The following RNF24 variants were observed in gnomAD, a reference collection of about 807,000 sequenced individuals.
RNF24 encodes ring finger protein 24.
A neutral mutation model predicts 20.0 loss-of-function variants in RNF24; 14 were observed. The ratio of observed to expected loss-of-function variants is 0.70; its 90% CI spans 0.46 to 1.10. The LOEUF is 1.10. RNF24 is among the 50% of genes least tolerant of loss of function. RNF24 has a pLI of 0.00. For synonymous variants in RNF24, 45 were observed against 61.1 expected (o/e 0.74, Z 1.23); for missense variants, 124 against 177.6 (o/e 0.70, Z 1.71).
chr20:3,963,822 G>A, intron 2 of RNF24, 53 bp downstream of exon 2: 1 of 1,410,292 alleles, frequency 7.1e-7, no homozygotes, highest in South Asian at 1.4e-5. Flanking sequence ...ACAGAAACTT[G>A]ATTATTGATT....
In RNF24 at chr20:3,927,619, G is replaced by A. The variant is rs1432966448; in HGVS notation, c.*6444C>T. ...TGCCCCGTTCCTGGCAATGATGTCA[G>A]AAGACCAAGAGGCGATAGTTACCAG... On this transcript the variant is annotated 3_prime_UTR_variant, in exon 6 of 6. Transcript: ENST00000358395. 3.3e-5 allele frequency: 5 copies of A among 152,214 alleles called. No individual in the cohort carries two copies. Among genetic ancestry groups the A allele is most frequent in the African/African-American group, 4.8e-5 (2 of 41,450 alleles). 9.4% of individuals were successfully genotyped at this position (152,214 alleles called of 1,614,324 possible).
At chr20:3,987,213 G>A (rs1009991848) in intron 1 of RNF24, among the ~76,000 whole-genome samples, 1 of 152,192 alleles carries the variant, frequency 6.6e-6, no homozygotes, top group African/African-American at 2.4e-5. Context: ...GAGACAGAAG[G>A]AGGATGAAAT....
chr20:3,951,116 C>T (rs534495745), intron 2 of RNF24, among the ~76,000 whole-genome samples: 1 of 152,216 alleles, frequency 6.6e-6, no homozygotes, highest in African/African-American at 2.4e-5. Flanking sequence ...CTAACATGCC[C>T]GGCTAATTTT....
chr20:3,991,798 T>C (rs1353326442), intron 1 of RNF24, among the ~76,000 whole-genome samples: 2 of 152,150 alleles, frequency 1.3e-5, no homozygotes, highest in African/African-American at 4.8e-5. Flanking sequence ...ACATTTATAA[T>C]TATATATAAA....
At chr20:3,945,052 T>C in intron 4 of RNF24, 125 bp downstream of exon 4, 1 of 1,237,572 alleles carries the variant, frequency 8.1e-7, no homozygotes, top group Non-Finnish European at 1.1e-6. Flanking sequence ...CCTGAAATAT[T>C]CTATTACCCC....
In RNF24 at chr20:3,934,652, A is replaced by C. The variant is rs571897233; in HGVS notation, c.308+342T>G. On this transcript the variant is annotated intron_variant, in intron 5 of 5. Coordinates refer to ENST00000358395, the MANE Select transcript of RNF24 (RefSeq NM_001134337.3). The surrounding 1 kb of genome is among the most constrained non-coding windows in gnomAD (Gnocchi z 4.0). The stretch of plus-strand genomic sequence containing the variant: ...CCATTTATATCCAGACTTTATTTTG[A>C]TTTTAAATAACTATGGTTTTGATTT... Among the ~76,000 whole-genome samples, 2 of 152,356 alleles carry C rather than the reference A, an allele frequency of 1.3e-5. No individual in the cohort carries two copies. Among genetic ancestry groups the C allele is most frequent in the South Asian group, 4.1e-4 (2 of 4,830 alleles).
chr20:3,959,240 A>G (rs996677343), intron 2 of RNF24, among the ~76,000 whole-genome samples: 18 of 152,142 alleles, frequency 1.2e-4, no homozygotes, highest in Admixed American at 2.6e-4. Flanking sequence ...TTCATTTTCT[A>G]TCTCTCGGAA....
chr20:3,936,566 A>C (rs910813722), intron 4 of RNF24, among the ~76,000 whole-genome samples: 2 of 152,192 alleles, frequency 1.3e-5, no homozygotes, highest in African/African-American at 4.8e-5. Flanking sequence ...AAAGGTAAAA[A>C]TCCAGCAGTT....
rs1025223670 is a variant in RNF24, at chr20:3,930,473, A to G, written c.*3590T>C. 2.0e-5 allele frequency: 3 copies of G among 152,130 alleles called. No homozygotes were observed. The highest frequency in any genetic ancestry group is 4.4e-5 in the Non-Finnish European group (3 of 68,064). 9.4% of individuals were successfully genotyped at this position (152,130 alleles called of 1,614,324 possible). On this transcript the variant is annotated 3_prime_UTR_variant, in exon 6 of 6. Transcript: ENST00000358395. ...CCTACCAGGCTCTGGGCACCAGCTAACCCCCACAAGAGGTGCCAGGGACGT... is the reference window on the plus strand; with the variant it reads ...CCTACCAGGCTCTGGGCACCAGCTAGCCCCCACAAGAGGTGCCAGGGACGT...
At chr20:3,944,655 C>A (rs2090996148) in intron 4 of RNF24, among the ~76,000 whole-genome samples, 1 of 152,194 alleles carries the variant, frequency 6.6e-6, no homozygotes, top group African/African-American at 2.4e-5. Flanking sequence ...GATATACACA[C>A]CCAAGTTTGT....
intron 1 of RNF24, among the ~76,000 whole-genome samples, chr20:4,004,952 T>G (rs1981726267): frequency 6.6e-6 from 1 of 152,174 alleles, no homozygotes; most frequent in African/African-American, 2.4e-5. Context: ...CTACCCCAAA[T>G]CTCTTCTTAT....
chr20:4,014,748 C>T (rs1384043461), intron 1 of RNF24, among the ~76,000 whole-genome samples: 1 of 145,708 alleles, frequency 6.9e-6, no homozygotes, highest in Admixed American at 6.8e-5. Flanking sequence ...CGCACACACA[C>T]ACACACACAC....
At chr20:3,994,191 T>C (rs1441144855) in intron 1 of RNF24, among the ~76,000 whole-genome samples, 1 of 152,180 alleles carries the variant, frequency 6.6e-6, no homozygotes, top group Non-Finnish European at 1.5e-5. Flanking sequence ...CCTTTGGGAA[T>C]TGCTAGGTCT....
chr20:3,995,921 T>C (rs988757056), intron 1 of RNF24, among the ~76,000 whole-genome samples: 2 of 152,188 alleles, frequency 1.3e-5, no homozygotes, highest in African/African-American at 4.8e-5. Flanking sequence ...TGCAATTTCA[T>C]TAGCCCTGAA....
intron 1 of RNF24, among the ~76,000 whole-genome samples, chr20:3,972,876 G>C (rs1469422088): frequency 1.3e-5 from 2 of 150,646 alleles, no homozygotes; most frequent in Non-Finnish European, 2.9e-5. Context: ...GCACTCCAAC[G>C]TGGGCGACAG....
intron 2 of RNF24, among the ~76,000 whole-genome samples, chr20:3,962,583 A>G (rs2091214232): frequency 6.6e-6 from 1 of 152,200 alleles, no homozygotes; most frequent in Admixed American, 6.5e-5. Context: ...CTAGAACTTA[A>G]AAGTGGCAGT....
chr20:3,972,602 T>C (rs946983381), intron 1 of RNF24, among the ~76,000 whole-genome samples: 3 of 152,156 alleles, frequency 2.0e-5, no homozygotes, highest in Non-Finnish European at 4.4e-5. Flanking sequence ...ACTGAATTGA[T>C]TGAAAATGAA....
chr20:4,014,787 C>G (rs7261214), intron 1 of RNF24, among the ~76,000 whole-genome samples: 4,177 of 149,672 alleles, frequency 0.028, 137 homozygotes, highest in African/African-American at 0.077. Flanking sequence ...ATCATTAGGT[C>G]TCCAGAAACA....
At chr20:3,975,209 C>T (rs1056872979) in intron 1 of RNF24, among the ~76,000 whole-genome samples, 17 of 151,900 alleles carry the variant, frequency 1.1e-4, no homozygotes, top group Non-Finnish European at 2.9e-5. Context: ...CATCCATAGG[C>T]AAAAAAATTG....
Sources: allele counts gnomAD v4.1 joint callset (sites outside exome capture counted in the v4.1 genomes callset), GRCh38; gene constraint gnomAD v4.1.1; non-coding constraint Gnocchi (gnomAD v3.1); transcripts MANE v1.5; gene names NCBI Gene and HGNC (gene_info 2026-07-23, HGNC 2026-07-21).